Variants in PLPP5 observed in about 807,000 individuals in gnomAD.
PLPP5 encodes phospholipid phosphatase 5, also known as diacylglycerol pyrophosphate like 1.
A neutral mutation model predicts 23.6 loss-of-function variants in PLPP5; 29 were observed. The observed-to-expected ratio is 1.23, with a 90% CI of 0.92 to 1.68. The LOEUF (loss-of-function observed/expected upper bound fraction) is 1.68, where lower values mean the gene tolerates loss of function less well. Among genes scored for constraint, PLPP5 ranks in the 40% most tolerant of loss-of-function variants. The pLI is 0.00. For synonymous variants in PLPP5, 143 were observed against 131.3 expected (o/e 1.09, Z -0.61); for missense variants, 315 against 332.1 (o/e 0.95, Z 0.40).
rs746917106 is a variant in PLPP5 at position 38,264,594 on chromosome 8, A to G, written c.645T>C (p.Val215=). ...CAAATGTCATTCCAATCATGGATCC[A>G]ACTAGTACATCTGAAGAGAGTGGAA... ...DYKHHWQDVL[V]GSMIGMTFAY... is the part of the protein sequence containing the mutation. Residue 215 remains valine, a synonymous_variant, in exon 7 of 7, where the codon GTT becomes GTC. Transcript: ENST00000424479. The G allele has an allele frequency of 4.1e-5, 66 of 1,594,044 alleles. 1 individual carries two copies. In the East Asian group the frequency reaches 7.0e-4, roughly 17 times the overall value.
At position 38,265,097 on chromosome 8, in the gene PLPP5, C is replaced by T; in HGVS notation, c.635-493G>A. 4.8e-6 allele frequency: 3 copies of T among 631,540 alleles called. 1 individual carries two copies. The South Asian group carries it at 5.6e-5, about 12-fold the overall frequency. The allele number at this position is 631,540 out of a possible 1,614,324, so 39.1% of individuals were successfully genotyped here. ...GCCTGACCAACAAGTGAAACCCTGT[C>T]TCTACTAAAAATACAAAAATTAGCC... On this transcript the variant is annotated intron_variant, in intron 6 of 6. Transcript: ENST00000424479.
At chr8:38,265,730 G>C (rs1807490161) in intron 6 of PLPP5, 2 of 153,676 alleles carry the variant, frequency 1.3e-5, no homozygotes, top group African/African-American at 4.8e-5. Context: ...CAGGTGTTCT[G>C]TAATTTGGAT....
In PLPP5 at chr8:38,266,278, T is replaced by C. The variant is rs909874268; in HGVS notation, c.497A>G (p.Tyr166Cys). The change falls in exon 6 of 7, where the codon TAC becomes TGC. Residue 166 changes from tyrosine to cysteine, a missense_variant. Transcript: ENST00000424479. ...GAAGCAGTGTAACTTCCCTGCCAGG[T>C]AGAAGGACGCAAAGGCCAGACCAGC... ...AFAGLAFASF[Y>C]LAGKLHCFTP... 18 of 1,613,572 alleles carry C rather than the reference T, an allele frequency of 1.1e-5. No individual in the cohort carries two copies. The highest frequency in any genetic ancestry group is 6.7e-5 in the East Asian group (3 of 44,876).
chr8:38,268,064 CAACCAGGCCTGGGCACA>C (rs550254840), intron 3 of PLPP5, 104 bp from the exon 4 acceptor site: 181 of 1,571,716 alleles, frequency 1.2e-4, no homozygotes, highest in Middle Eastern at 5.9e-4. Context: ...GGATAGAATC[CAACCAGGCCTGGGCACA>C]AAAATAATTA....
chr8:38,264,444 T>C lies in PLPP5; in HGVS notation c.795A>G (p.Ter265=). 1 of 1,546,088 alleles carries C rather than the reference T, an allele frequency of 6.5e-7. No homozygotes were observed. ...CACCACGCCCGGCCAGATTCAATTT[T>C]TAAATATCAAAACAATAAGAATCCC... ...KPGDSYCFDI[*] is the part of the protein sequence containing the mutation. Residue 265 remains the stop codon, a stop_retained_variant, in exon 7 of 7, where the codon TAA becomes TAG. Coordinates refer to ENST00000424479, the MANE Select transcript of PLPP5 (RefSeq NM_001102559.2).
chr8:38,268,258 C>T (rs1808018701), intron 3 of PLPP5, 113 bp downstream of exon 3: 2 of 1,122,866 alleles, frequency 1.8e-6, no homozygotes, highest in Admixed American at 2.5e-5. Flanking sequence ...GATAGAGTTC[C>T]TTTAGGAATG....
intron 6 of PLPP5, among the ~76,000 whole-genome samples, chr8:38,265,276 A>G (rs2130916632): frequency 6.6e-6 from 1 of 151,844 alleles, no homozygotes; most frequent in East Asian, 1.9e-4. Context: ...AAAAAAAAAA[A>G]AAAAAAAAGA....
Position 38,263,902 on chromosome 8 carries a change from T to C in PLPP5, c.*542A>G, listed in dbSNP as rs557448600. ...CAGATATTAATCTGATAGACCAGATTCATAAGGTGTTGGACACCTTTGAAA... is the reference window on the plus strand; with the variant it reads ...CAGATATTAATCTGATAGACCAGATCCATAAGGTGTTGGACACCTTTGAAA... On this transcript the variant is annotated 3_prime_UTR_variant, in exon 7 of 7. Coordinates refer to ENST00000424479, the MANE Select transcript of PLPP5 (RefSeq NM_001102559.2). The C allele has an allele frequency of 1.0e-6, 1 of 985,344 alleles. No individual in the cohort carries two copies. The highest frequency in any genetic ancestry group is 1.2e-6 in the Non-Finnish European group (1 of 829,848). The allele number at this position is 985,344 out of a possible 1,614,324, so 61.0% of individuals were successfully genotyped here.
Position 38,263,801 on chromosome 8 carries a change from C to T in PLPP5, c.*643G>A. ...CTCTAGCTTCTGAGACAAGGTGGGG[C>T]TATGTAAAGGCTTCTTTGTGACAAG... On this transcript the variant is annotated 3_prime_UTR_variant, in exon 7 of 7. Transcript: ENST00000424479. The T allele has an allele frequency of 1.0e-6, 1 of 985,174 alleles. No homozygotes were observed. Among genetic ancestry groups the T allele is most frequent in the Non-Finnish European group, 1.2e-6 (1 of 829,760 alleles). The allele number at this position is 985,174 out of a possible 1,614,324, so 61.0% of individuals were successfully genotyped here. A position where few individuals can be genotyped will look rare whatever the true frequency, so the allele number is the denominator to read the frequency against.
chr8:38,268,901 A>AAAT lies in PLPP5; in HGVS notation c.161_163dup (p.Tyr54dup). 1 of 1,553,912 alleles carries AAAT rather than the reference A, an allele frequency of 6.4e-7. No homozygotes were observed. The highest frequency in any genetic ancestry group is 8.7e-7 in the Non-Finnish European group (1 of 1,155,052). ...ACGCACAAACATCGGCTTGGTGGGG[A>AAAT]AATACTCCGCCTCCACGTAGGGGTT... is the stretch of plus-strand genomic sequence containing the variant. On this transcript the variant is annotated inframe_insertion, in exon 2 of 7. Coordinates refer to ENST00000424479, the MANE Select transcript of PLPP5 (RefSeq NM_001102559.2).
At position 38,267,886 on chromosome 8, in the gene PLPP5, T is replaced by C. The variant is rs372778510; in HGVS notation, c.338+11A>G. 44 of 1,613,896 alleles carry C rather than the reference T, an allele frequency of 2.7e-5. No individual in the cohort carries two copies. The African/African-American group carries it at 5.3e-4, about 20-fold the overall frequency. ...AGGCAGATGCTGGGGTGGTTAGCTG[T>C]TGTCACTTACCTCCCTACGATCAGT... On this transcript the variant is annotated intron_variant, in intron 4 of 6. Coordinates refer to ENST00000424479, the MANE Select transcript of PLPP5 (RefSeq NM_001102559.2).
chr8:38,266,414 A>G (rs1807596970), intron 5 of PLPP5, 103 bp from the exon 6 acceptor site: 1 of 1,137,138 alleles, frequency 8.8e-7, no homozygotes, highest in Non-Finnish European at 1.2e-6. Flanking sequence ...TTATTTATTT[A>G]TTTTTTGAGA....
chr8:38,268,582 C>A (rs554006173), intron 2 of PLPP5, 121 bp from the exon 3 acceptor site: 404 of 1,457,484 alleles, frequency 2.8e-4, no homozygotes, highest in Middle Eastern at 1.8e-3. Flanking sequence ...TCTGAGTGCG[C>A]GTAACCGGGC....
rs1281799685 is a variant in PLPP5 at position 38,263,982 on chromosome 8, CAA to C, written c.*460_*461del. 3 of 985,686 alleles carry C rather than the reference CAA, an allele frequency of 3.0e-6. No individual in the cohort carries two copies. Among genetic ancestry groups the C allele is most frequent in the Non-Finnish European group, 1.2e-6 (1 of 830,284 alleles). 61.1% of individuals were successfully genotyped at this position (985,686 alleles called of 1,614,324 possible). On this transcript the variant is annotated 3_prime_UTR_variant, in exon 7 of 7. Transcript: ENST00000424479. ...GTAGTGGAAAAGAACCGTAACTCCT[CAA>C]GATAGATGAGCAGGGGCAAAAGTGT...
chr8:38,265,316 T>C (rs1273073426), intron 6 of PLPP5, among the ~76,000 whole-genome samples: 1 of 151,838 alleles, frequency 6.6e-6, no homozygotes. Flanking sequence ...AACTAGTTTA[T>C]TTAAAAATTT....
Position 38,268,886 on chromosome 8 carries a change from A to T in PLPP5, c.179T>A (p.Met60Lys). The change falls in exon 2 of 7, where the codon ATG (methionine) becomes AAG (lysine). Residue 60 changes from methionine (M) to lysine (K), a missense_variant. Met to Lys is a moderately conservative substitution (Grantham distance 95). Transcript: ENST00000424479. ...VEAEYFPTKPMFVIAFLSPLS... is the reference protein window; with the variant it reads ...VEAEYFPTKPKFVIAFLSPLS... ...AGACGATCTTTCTCCACGCACAAAC[A>T]TCGGCTTGGTGGGGAAATACTCCGC... 6.4e-7 allele frequency: 1 copy of T among 1,552,640 alleles called. No homozygotes were observed. Among genetic ancestry groups the T allele is most frequent in the Non-Finnish European group, 8.7e-7 (1 of 1,153,368 alleles).
At position 38,268,055 on chromosome 8, in the gene PLPP5, G is replaced by A. The variant is rs866636437; in HGVS notation, c.275-95C>T. On this transcript the variant is annotated intron_variant, in intron 3 of 6. Transcript: ENST00000424479. ...GAGCAGCCGTGCTGTTTCTGAGATG[G>A]ATAGAATCCAACCAGGCCTGGGCAC... 48 of 1,589,730 alleles carry A rather than the reference G, an allele frequency of 3.0e-5. No individual in the cohort carries two copies. The African/African-American group carries it at 5.7e-4, about 19-fold the overall frequency.
At chr8:38,268,215 A>G (rs962447924) in intron 3 of PLPP5, 156 bp downstream of exon 3, 19 of 1,041,858 alleles carry the variant, frequency 1.8e-5, no homozygotes, top group East Asian at 7.8e-5. Flanking sequence ...TGCGTAACCA[A>G]GTCCCTGCAG....
chr8:38,269,201 C>G lies in PLPP5; in HGVS notation c.-2G>C. ...CACCGCCGCCGCCGCCTTCCCCATC[C>G]GGCCGCGAGCTCCGAGCGACGCTGC... On this transcript the variant is annotated 5_prime_UTR_variant, in exon 1 of 7. Transcript: ENST00000424479. 1.3e-6 allele frequency: 2 copies of G among 1,498,838 alleles called. No individual in the cohort carries two copies. The highest frequency in any genetic ancestry group is 1.2e-5 in the South Asian group (1 of 80,510). The allele number at this position is 1,498,838 out of a possible 1,614,324, so 92.8% of individuals were successfully genotyped here.
Sources: gnomAD v4.1 joint callset for allele counts (sites outside exome capture counted in the v4.1 genomes callset) on GRCh38, gnomAD v4.1.1 for gene constraint, MANE v1.5 for transcripts, NCBI Gene and HGNC (gene_info 2026-07-23, HGNC 2026-07-21) for gene names.